Variants in CPT1C observed in about 807,000 individuals in gnomAD.
The protein encoded by CPT1C is palmitoyl thioesterase CPT1C.
CPT1C carries 61 observed loss-of-function variants against 97.3 expected under a neutral mutation model. The ratio of observed to expected loss-of-function variants is 0.63; its 90% CI spans 0.51 to 0.78. The LOEUF is 0.78. Ranked by LOEUF, CPT1C falls within the 30% of genes least tolerant of loss-of-function variation. The pLI, the probability that CPT1C is intolerant of heterozygous loss-of-function variation, is 0.00. For synonymous variants in CPT1C, 469 were observed against 447.2 expected, an observed-to-expected ratio of 1.05 and a Z score of -0.61; for missense variants, 975 against 1,065.5, an observed-to-expected ratio of 0.92 and a Z score of 1.18.
rs2084068377 is a variant in CPT1C at position 49,713,655 on chromosome 19, C to T, written c.*50C>T. Reference sequence around the variant, plus strand: ...CTCCAAGGAATAAGGGTGAAATTGCCACAGCTGGCTGACACAGGACAGGGG... The same window carrying T: ...CTCCAAGGAATAAGGGTGAAATTGCTACAGCTGGCTGACACAGGACAGGGG... On this transcript the variant is annotated 3_prime_UTR_variant, in exon 20 of 20. Transcript: ENST00000598293. The T allele has an allele frequency of 1.3e-6, 2 of 1,544,734 alleles. No homozygotes were observed. Among genetic ancestry groups the T allele is most frequent in the Non-Finnish European group, 8.8e-7 (1 of 1,139,344 alleles).
chr19:49,707,240 G>A (rs151103691), intron 12 of CPT1C, among the ~76,000 whole-genome samples: 4,446 of 152,102 alleles, frequency 0.029, 66 homozygotes, highest in African/African-American at 0.038. Flanking sequence ...AGCCGAGATC[G>A]CGCCACTGCA....
At chr19:49,703,093 AC>A (rs2083277736) in intron 7 of CPT1C, among the ~76,000 whole-genome samples, 1 of 151,382 alleles carries the variant, frequency 6.6e-6, no homozygotes, top group Non-Finnish European at 1.5e-5. Flanking sequence ...ACACACACAC[AC>A]ACACACTCAT....
Position 49,707,545 on chromosome 19 carries a change from C to T in CPT1C, c.1371C>T (p.Ile457=), listed in dbSNP as rs1445172730. The T allele has an allele frequency of 1.5e-5, 25 of 1,613,792 alleles. No homozygotes were observed. Among genetic ancestry groups the T allele is most frequent in the East Asian group, 2.2e-5 (1 of 44,864 alleles). The part of the protein sequence containing the change: ...DRWFDKSFTL[I]VFSNGKLGLS... ...GGTTTGACAAATCCTTCACCCTAAT[C>T]GTCTTCTCTAACGGGAAGCTGGGCC... The change falls in exon 13 of 20, where the codon ATC becomes ATT. Residue 457 remains isoleucine, a synonymous_variant. Transcript: ENST00000598293.
intron 14 of CPT1C, among the ~76,000 whole-genome samples, chr19:49,709,442 C>T (rs933854132): frequency 6.6e-6 from 1 of 151,934 alleles, no homozygotes; most frequent in African/African-American, 2.4e-5. Context: ...ACCCCTTCCC[C>T]GTTCTATTCC....
Position 49,701,388 on chromosome 19 carries a change from C to G in CPT1C, c.525C>G (p.Pro175=), listed in dbSNP as rs748021956. The change falls in exon 6 of 20, where the codon CCC becomes CCG. Residue 175 remains proline (P), a synonymous_variant. Coordinates refer to ENST00000598293, the MANE Select transcript of CPT1C (RefSeq NM_001199753.2). The part of the protein sequence containing the change: ...FSYQRSLPRQ[P]VPSVQDTVRK... Reference sequence around the variant, plus strand: ...ACCAGCGCTCCCTGCCACGCCAGCCCGTGCCCTCTGTGCAGGACACCGTGC... The same window carrying G: ...ACCAGCGCTCCCTGCCACGCCAGCCGGTGCCCTCTGTGCAGGACACCGTGC... 1 of 1,613,576 alleles carries G rather than the reference C, an allele frequency of 6.2e-7. No individual in the cohort carries two copies. The highest frequency in any genetic ancestry group is 8.5e-7 in the Non-Finnish European group (1 of 1,179,914).
chr19:49,698,483 T>C (rs528211534), intron 4 of CPT1C, among the ~76,000 whole-genome samples: 1 of 151,484 alleles, frequency 6.6e-6, no homozygotes. Flanking sequence ...GACAACATAG[T>C]GAAACCCCGT....
chr19:49,711,030 G>A (rs2083842305), intron 16 of CPT1C, 173 bp downstream of exon 16: 4 of 609,310 alleles, frequency 6.6e-6, no homozygotes, highest in Non-Finnish European at 1.1e-5. Context: ...AGACAGCCCA[G>A]CATAGTGTGA....
chr19:49,701,368 C>T lies in CPT1C; in HGVS notation c.505C>T (p.Arg169Cys), dbSNP rs2083041162. The change falls in exon 6 of 20, where the codon CGC becomes TGC. Residue 169 changes from arginine to cysteine, a missense_variant. By Grantham distance (180) the Arg-to-Cys change is radical. Around this residue, in one of 3 missense-constraint regions of CPT1C, gnomAD observed 596 missense variants for 603.1 expected, o/e 0.99. Coordinates refer to ENST00000598293, the MANE Select transcript of CPT1C (RefSeq NM_001199753.2). ...GRHPMLFSYQRSLPRQPVPSV... is the reference protein window; with the variant it reads ...GRHPMLFSYQCSLPRQPVPSV... ...CCACCCGATGCTGTTCAGTTACCAGCGCTCCCTGCCACGCCAGCCCGTGCC... is the reference window on the plus strand; with the variant it reads ...CCACCCGATGCTGTTCAGTTACCAGTGCTCCCTGCCACGCCAGCCCGTGCC... 4 of 1,613,360 alleles carry T rather than the reference C, an allele frequency of 2.5e-6. No individual in the cohort carries two copies. Among genetic ancestry groups the T allele is most frequent in the African/African-American group, 2.7e-5 (2 of 74,920 alleles).
intron 3 of CPT1C, among the ~76,000 whole-genome samples, chr19:49,695,823 C>T (rs767383356): frequency 1.3e-4 from 19 of 151,786 alleles, no homozygotes; most frequent in Admixed American, 3.3e-4. Flanking sequence ...CCTCGTGATC[C>T]GCCCACCTTG....
chr19:49,700,927 TG>T (rs1568515763), intron 5 of CPT1C, 72 bp downstream of exon 5: 12 of 1,514,934 alleles, frequency 7.9e-6, no homozygotes, highest in Non-Finnish European at 1.1e-5. Context: ...TCTGGGTCTC[TG>T]TCCCCCTCTC....
intron 8 of CPT1C, 84 bp downstream of exon 8, chr19:49,704,871 G>T: frequency 6.8e-7 from 1 of 1,460,670 alleles, no homozygotes; most frequent in South Asian, 1.1e-5. Flanking sequence ...CATGCTCAGT[G>T]ACCTGGATCT....
At position 49,705,198 on chromosome 19, in the gene CPT1C, CCACGGT is replaced by C. The variant is rs1568529477; in HGVS notation, c.880-15_880-10del. ...TGGGTCCTGGAAGGCAGCTCACAGC[CCACGGT>C]TTCCTGCAGACTTTGCTGATGGGAA... On this transcript the variant is annotated splice_polypyrimidine_tract_variant and intron_variant, in intron 9 of 19. Coordinates refer to ENST00000598293, the MANE Select transcript of CPT1C (RefSeq NM_001199753.2). 1 of 1,614,022 alleles carries C rather than the reference CCACGGT, an allele frequency of 6.2e-7. No individual in the cohort carries two copies. The highest frequency in any genetic ancestry group is 2.2e-5 in the East Asian group (1 of 44,864).
intron 7 of CPT1C, among the ~76,000 whole-genome samples, chr19:49,702,035 ATATTTATTTATAAAT>A (rs2083154995): frequency 1.0e-5 from 1 of 98,978 alleles, no homozygotes; most frequent in African/African-American, 4.6e-5. Flanking sequence ...TTATAAATAT[ATATTTATTTATAAAT>A]TATAAATATA....
chr19:49,700,785 T>C lies in CPT1C; in HGVS notation c.383T>C (p.Leu128Pro), dbSNP rs751684963. The C allele has an allele frequency of 1.2e-6, 2 of 1,613,522 alleles. No homozygotes were observed. The highest frequency in any genetic ancestry group is 1.7e-6 in the Non-Finnish European group (2 of 1,180,010). Residue 128 changes from leucine (L) to proline (P), a missense_variant, in exon 5 of 20, where the codon CTG (leucine) becomes CCG (proline). By Grantham distance (98) the Leu-to-Pro change is moderately conservative. Transcript: ENST00000598293. ...LIFTLHVALR[L>P]LLSYHGWLLE... ...TTCACACTGCACGTGGCCCTGAGGC[T>C]GCTTCTGTCCTACCACGGCTGGCTT...
At position 49,705,979 on chromosome 19, in the gene CPT1C, G is replaced by C. The variant is rs543829544; in HGVS notation, c.1035G>C (p.Gly345=). ...VFHRGRFFRM[G]THSRNSLLSP... is the part of the protein sequence containing the mutation. ...ACCGGGGCCGATTCTTCCGCATGGG[G>C]ACCCACTCCCGAAACAGCCTGCTTT... The change falls in exon 11 of 20, where the codon GGG becomes GGC. Residue 345 remains glycine, a synonymous_variant. Coordinates refer to ENST00000598293, the MANE Select transcript of CPT1C (RefSeq NM_001199753.2). The C allele has an allele frequency of 2.4e-5, 39 of 1,613,872 alleles. No individual in the cohort carries two copies. Among genetic ancestry groups the C allele is most frequent in the Middle Eastern group, 1.6e-4 (1 of 6,080 alleles).
rs1568521631 is a variant in CPT1C at position 49,702,087 on chromosome 19, ATTTAT to A, written c.693+456_693+460del. On this transcript the variant is annotated intron_variant, in intron 7 of 19. Coordinates refer to ENST00000598293, the MANE Select transcript of CPT1C (RefSeq NM_001199753.2). Reference sequence around the variant, plus strand: ...ATTTATTTATAAATTATAAATATATATTTATTTATAAATTATAAATATATATTTAT... The same window carrying A: ...ATTTATTTATAAATTATAAATATATATTATAAATTATAAATATATATTTAT... 2.6e-5 allele frequency among the ~76,000 whole-genome samples: 3 copies of A among 113,706 alleles called. No homozygotes were observed. In the Admixed American group the frequency reaches 3.8e-4, roughly 14 times the overall value. 74.6% of individuals were successfully genotyped at this position (113,706 alleles called of 152,430 possible). A position where few individuals can be genotyped will look rare whatever the true frequency, so the allele number is the denominator to read the frequency against.
At chr19:49,711,740 G>A in intron 16 of CPT1C, 69 bp from the exon 17 acceptor site, 1 of 1,505,054 alleles carries the variant, frequency 6.6e-7, no homozygotes, top group East Asian at 2.3e-5. Flanking sequence ...GAGGCCAGAT[G>A]TGCCGCAGGC....
rs754045071 is a variant in CPT1C at position 49,697,360 on chromosome 19, C to A, written c.176C>A (p.Pro59His). The A allele has an allele frequency of 1.2e-6, 2 of 1,614,116 alleles. No individual in the cohort carries two copies. Among genetic ancestry groups the A allele is most frequent in the South Asian group, 2.2e-5 (2 of 91,082 alleles). The change falls in exon 4 of 20, where the codon CCC (proline) becomes CAC (histidine). Residue 59 changes from proline (P) to histidine (H), a missense_variant. Physicochemically the swap from Pro to His is moderately conservative, Grantham distance 77. Around this residue, in one of 3 missense-constraint regions of CPT1C, gnomAD observed 596 missense variants for 603.1 expected, o/e 0.99. Transcript: ENST00000598293. ...CTCACCGGTGTGTTTCCTGCCAGCC[C>A]CCTCAGTTGGCTTTTCCTCTTCAGT... is the stretch of plus-strand genomic sequence containing the variant. The part of the protein sequence containing the change: ...DFLTGVFPAS[P>H]LSWLFLFSAI...
intron 4 of CPT1C, among the ~76,000 whole-genome samples, chr19:49,699,109 A>C (rs931013101): frequency 6.6e-6 from 1 of 152,078 alleles, no homozygotes; most frequent in African/African-American, 2.4e-5. Context: ...TCTCAATTAA[A>C]AGAAAAAAAA....
Sources: allele counts gnomAD v4.1 joint callset (sites outside exome capture counted in the v4.1 genomes callset), GRCh38; gene constraint gnomAD v4.1.1; regional missense constraint gnomAD v4.1.1; transcripts MANE v1.5; gene names NCBI Gene and HGNC (gene_info 2026-07-23, HGNC 2026-07-21).